Variants in PCDHA2 observed in about 807,000 individuals in gnomAD.
PCDHA2 encodes the protein protocadherin alpha 2.
In PCDHA2, 58 loss-of-function variants were observed where a neutral mutation model predicts 66.0. The observed-to-expected ratio is 0.88, with a 90% confidence interval of 0.71 to 1.09. PCDHA2 has a LOEUF of 1.09. Ranked by LOEUF, PCDHA2 falls within the 50% of genes least tolerant of loss-of-function variation. The pLI, the probability that PCDHA2 is intolerant of heterozygous loss-of-function variation, is 0.00. For synonymous variants in PCDHA2, 634 were observed against 554.0 expected (o/e 1.14, Z -2.03); for missense variants, 1,267 against 1,242.3 (o/e 1.02, Z -0.30).
intron 1 of PCDHA2, among the ~76,000 whole-genome samples, chr5:140,799,034 G>A (rs1268167146): frequency 2.0e-5 from 3 of 152,122 alleles, no homozygotes; most frequent in Non-Finnish European, 4.4e-5. Flanking sequence ...TAAATGATAA[G>A]CTTCTAAAAT....
intron 1 of PCDHA2, chr5:140,841,519 G>A: frequency 6.2e-7 from 1 of 1,613,590 alleles, no homozygotes; most frequent in Non-Finnish European, 8.5e-7. Flanking sequence ...TGTTCCGGGT[G>A]GCGTCCAAAA....
chr5:140,829,254 C>T (rs1770187328), intron 1 of PCDHA2: 1 of 1,614,260 alleles, frequency 6.2e-7, no homozygotes, highest in East Asian at 2.2e-5. Flanking sequence ...GTGAACTGCT[C>T]GCTGACGCCT....
rs955565578 is a variant in PCDHA2, at chr5:141,012,291, T to C, written c.*2354T>C. 6 of 153,804 alleles carry C rather than the reference T, an allele frequency of 3.9e-5. No homozygotes were observed. The highest frequency in any genetic ancestry group is 9.6e-5 in the African/African-American group (4 of 41,478). The allele number at this position is 153,804 out of a possible 1,614,324, so 9.5% of individuals were successfully genotyped here. A position where few individuals can be genotyped will look rare whatever the true frequency, so the allele number is the denominator to read the frequency against. On this transcript the variant is annotated 3_prime_UTR_variant, in exon 4 of 4. Coordinates refer to ENST00000526136, the MANE Select transcript of PCDHA2 (RefSeq NM_018905.3). ...ACACGTCATGTGGATTCATTTTGAA[T>C]TGGTGCTATTGGTATTTCCTCTGTT...
intron 1 of PCDHA2, among the ~76,000 whole-genome samples, chr5:140,962,849 T>G (rs1434907172): frequency 6.6e-6 from 1 of 152,214 alleles, no homozygotes; most frequent in Non-Finnish European, 1.5e-5. Context: ...ATATAACTTG[T>G]GCTCGGTTTG....
intron 3 of PCDHA2, among the ~76,000 whole-genome samples, chr5:140,995,012 AGG>A (rs1360435760): frequency 6.6e-6 from 1 of 152,218 alleles, no homozygotes; most frequent in Non-Finnish European, 1.5e-5. Context: ...GTTTATATTT[AGG>A]AAAGAAGATT....
intron 1 of PCDHA2, chr5:140,836,306 C>A: frequency 6.2e-7 from 1 of 1,613,706 alleles, no homozygotes; most frequent in Non-Finnish European, 8.5e-7. Flanking sequence ...ATGAGACGGA[C>A]GCACCGCGCC....
intron 1 of PCDHA2, chr5:140,875,357 C>G (rs1173514822): frequency 6.9e-7 from 1 of 1,446,594 alleles, no homozygotes; most frequent in Non-Finnish European, 9.1e-7. Flanking sequence ...GACTGTGATG[C>G]TGGAAAAAAT....
At chr5:140,864,945 C>G (rs2048665503) in intron 1 of PCDHA2, 1 of 152,120 alleles carries the variant, frequency 6.6e-6, no homozygotes, top group Non-Finnish European at 1.5e-5. Flanking sequence ...GGCCTGTAAT[C>G]CCAGCATTTT....
rs183812467 is a variant in PCDHA2, at chr5:140,921,187, A to G, written c.2389-57762A>G. Among the ~76,000 whole-genome samples the G allele has an allele frequency of 1.1e-3, 174 of 152,102 alleles. 2 individuals carry two copies. Among genetic ancestry groups the G allele is most frequent in the Non-Finnish European group, 2.1e-4 (14 of 68,012 alleles). ...AACACACATAAAGCACAGTTTTTTC[A>G]CAATAGATTGACAACGATAATTCAC... On this transcript the variant is annotated intron_variant, in intron 1 of 3. Transcript: ENST00000526136.
rs782677776 is a variant in PCDHA2, at chr5:140,803,142, G to A, written c.2388+5790G>A. ...GGACGCCCCGCGCCATCGCCTACTG[G>A]TGCTGGTGAAGGACCACGGTGAACC... On this transcript the variant is annotated intron_variant, in intron 1 of 3. Coordinates refer to ENST00000526136, the MANE Select transcript of PCDHA2 (RefSeq NM_018905.3). The A allele has an allele frequency of 1.2e-5, 20 of 1,613,762 alleles. No individual in the cohort carries two copies. The Middle Eastern group carries it at 8.2e-4, about 66-fold the overall frequency.
At chr5:140,958,510 G>A (rs1476919397) in intron 1 of PCDHA2, among the ~76,000 whole-genome samples, 1 of 152,114 alleles carries the variant, frequency 6.6e-6, no homozygotes, top group Non-Finnish European at 1.5e-5. Flanking sequence ...AGGCATGGCT[G>A]TCCAATATAT....
chr5:140,946,561 T>C (rs1193170794), intron 1 of PCDHA2, among the ~76,000 whole-genome samples: 1 of 148,756 alleles, frequency 6.7e-6, no homozygotes, highest in Non-Finnish European at 1.5e-5. Context: ...AGTTCAGATA[T>C]AGAATCAACT....
chr5:140,829,545 A>G (rs1286115535), intron 1 of PCDHA2: 6 of 1,612,828 alleles, frequency 3.7e-6, no homozygotes, highest in Non-Finnish European at 5.1e-6. Flanking sequence ...GCGGACGCGC[A>G]GGAGAACGCG....
intron 1 of PCDHA2, among the ~76,000 whole-genome samples, chr5:140,878,256 C>G (rs2057518420): frequency 6.6e-6 from 1 of 152,160 alleles, no homozygotes; most frequent in Admixed American, 6.5e-5. Flanking sequence ...TCCTCACGTG[C>G]TTAGGCTTTT....
At position 140,822,042 on chromosome 5, in the gene PCDHA2, C is replaced by T. The variant is rs148967528; in HGVS notation, c.2388+24690C>T. The T allele has an allele frequency of 2.2e-3, 3,471 of 1,614,176 alleles. 3 individuals carry two copies. The highest frequency in any genetic ancestry group is 2.7e-3 in the Non-Finnish European group (3,163 of 1,180,044). ...GCATTTTGTTTGTGAATTCTCGGATCGACCGGGAGGAGCTGTGCCGGCGGA... is the reference window on the plus strand; with the variant it reads ...GCATTTTGTTTGTGAATTCTCGGATTGACCGGGAGGAGCTGTGCCGGCGGA... On this transcript the variant is annotated intron_variant, in intron 1 of 3. Coordinates refer to ENST00000526136, the MANE Select transcript of PCDHA2 (RefSeq NM_018905.3).
intron 1 of PCDHA2, among the ~76,000 whole-genome samples, chr5:140,946,629 T>TATATATATATATATATATATATATATAC (rs1367833800): frequency 2.4e-5 from 3 of 123,274 alleles, no homozygotes; most frequent in Non-Finnish European, 3.6e-5. Context: ...TATATATATA[T>TATATATATATATATATATATATATATAC]ATACAATGGA....
intron 1 of PCDHA2, chr5:140,862,465 G>A (rs1462351326): frequency 8.1e-6 from 3 of 371,280 alleles, no homozygotes; most frequent in Non-Finnish European, 1.6e-5. Flanking sequence ...GACCAAGAGA[G>A]CAAATCTATC....
At chr5:140,880,926 G>C (rs1554171610) in intron 1 of PCDHA2, among the ~76,000 whole-genome samples, 1 of 152,192 alleles carries the variant, frequency 6.6e-6, no homozygotes, top group African/African-American at 2.4e-5. Context: ...TACTATGTTA[G>C]TAAAAGTAAT....
chr5:140,947,194 G>A (rs2094102779), intron 1 of PCDHA2, among the ~76,000 whole-genome samples: 1 of 151,018 alleles, frequency 6.6e-6, no homozygotes, highest in Admixed American at 6.6e-5. Context: ...ATACTACACA[G>A]CCTTAAAAAA....
Sources: allele counts gnomAD v4.1 joint callset (sites outside exome capture counted in the v4.1 genomes callset), GRCh38; gene constraint gnomAD v4.1.1; transcripts MANE v1.5; gene names NCBI Gene and HGNC (gene_info 2026-07-23, HGNC 2026-07-21).